SMIM13: variants seen among roughly 807,000 people sequenced by gnomAD.
SMIM13 encodes the protein UPF0766 protein C6orf228.
SMIM13 carries 3 observed loss-of-function variants against 5.9 expected under a neutral mutation model. That is an observed-to-expected ratio of 0.51 (90% CI 0.23 to 1.31). The LOEUF (loss-of-function observed/expected upper bound fraction) is 1.31, where lower values mean the gene tolerates loss of function less well. Ranked by LOEUF, SMIM13 falls within the 40% of genes most tolerant of loss-of-function variation. The pLI is 0.18. For missense variants in SMIM13, 85 were observed against 109.9 expected, an observed-to-expected ratio of 0.77 and a Z score of 1.01; for synonymous variants, 55 against 46.0, an observed-to-expected ratio of 1.19 and a Z score of -0.79.
At chr6:11,116,010 T>C (rs1322206642) in intron 1 of SMIM13, among the ~76,000 whole-genome samples, 5 of 16,756 alleles carry the variant, frequency 3.0e-4, no homozygotes, top group South Asian at 2.6e-3. Context: ...TCCTTCCTCT[T>C]TTTTTTTTTT....
At position 11,134,763 on chromosome 6, in the gene SMIM13, C is replaced by T. The variant is rs1457041634; in HGVS notation, c.*161C>T. 2.3e-5 allele frequency: 11 copies of T among 487,602 alleles called. No individual in the cohort carries two copies. The highest frequency in any genetic ancestry group is 3.5e-5 in the Non-Finnish European group (10 of 285,748). The allele number at this position is 487,602 out of a possible 1,614,324, so 30.2% of individuals were successfully genotyped here. On this transcript the variant is annotated 3_prime_UTR_variant, in exon 2 of 2. Coordinates refer to ENST00000416247, the MANE Select transcript of SMIM13 (RefSeq NM_001135575.2). ...CATATAAAAATAAAGGGAACTGAAA[C>T]CAAATTGGACTATTATAAATTTCAT... is the stretch of plus-strand genomic sequence containing the variant.
chr6:11,107,523 A>C (rs1274738215), intron 1 of SMIM13, among the ~76,000 whole-genome samples: 2 of 152,188 alleles, frequency 1.3e-5, no homozygotes, highest in Non-Finnish European at 2.9e-5. Flanking sequence ...AACCCTGTTG[A>C]AGCACTGTGC....
chr6:11,131,402 A>ATT (rs532571536), intron 1 of SMIM13, among the ~76,000 whole-genome samples: 5 of 142,682 alleles, frequency 3.5e-5, no homozygotes, highest in Non-Finnish European at 4.6e-5. Context: ...TCTTGATGCC[A>ATT]TTTTTTTTTT....
At chr6:11,111,311 T>A (rs1433739062) in intron 1 of SMIM13, among the ~76,000 whole-genome samples, 1 of 152,102 alleles carries the variant, frequency 6.6e-6, no homozygotes, top group Non-Finnish European at 1.5e-5. Flanking sequence ...TTGGAATACA[T>A]ACAGAGAAAG....
chr6:11,096,163 G>C (rs1757919518), intron 1 of SMIM13, among the ~76,000 whole-genome samples: 2 of 152,214 alleles, frequency 1.3e-5, no homozygotes, highest in South Asian at 4.1e-4. Flanking sequence ...CCAGGGACTT[G>C]TTTTGTGGAG....
At chr6:11,097,119 T>G (rs1000776037) in intron 1 of SMIM13, among the ~76,000 whole-genome samples, 7 of 152,140 alleles carry the variant, frequency 4.6e-5, no homozygotes, top group Non-Finnish European at 8.8e-5. Context: ...ATTACAGGCA[T>G]GAGCCACCCA....
chr6:11,106,388 G>A (rs1053573747), intron 1 of SMIM13, among the ~76,000 whole-genome samples: 2 of 152,228 alleles, frequency 1.3e-5, no homozygotes, highest in African/African-American at 2.4e-5. Flanking sequence ...TTCCCCGTCT[G>A]GGGATTATTT....
At chr6:11,134,375 T>C (rs1177701414) in intron 1 of SMIM13, 28 bp from the exon 2 acceptor site, 5 of 1,517,748 alleles carry the variant, frequency 3.3e-6, no homozygotes, top group East Asian at 2.5e-5. Context: ...GTAATAACTT[T>C]TCTTAATGTT....
At chr6:11,115,661 T>A (rs1432493225) in intron 1 of SMIM13, among the ~76,000 whole-genome samples, 1 of 151,148 alleles carries the variant, frequency 6.6e-6, no homozygotes, top group East Asian at 1.9e-4. Flanking sequence ...CTTTGCCATG[T>A]TCTTTCTTTC....
intron 1 of SMIM13, among the ~76,000 whole-genome samples, chr6:11,100,651 T>A (rs557352643): frequency 1.8e-3 from 277 of 152,052 alleles, no homozygotes; most frequent in East Asian, 4.4e-3. Context: ...GCATGAAAAA[T>A]TTTTTTTTGA....
At chr6:11,105,399 A>G in intron 1 of SMIM13, 1 of 963,442 alleles carries the variant, frequency 1.0e-6, no homozygotes, top group Non-Finnish European at 1.5e-6. Context: ...GATAACAATC[A>G]GAGCAATTGC....
chr6:11,105,047 A>T (rs1189696874), intron 1 of SMIM13: 2 of 1,614,198 alleles, frequency 1.2e-6, no homozygotes. Flanking sequence ...GACTATTTGC[A>T]GGCCTCATCA....
chr6:11,101,702 T>C (rs1352034539), intron 1 of SMIM13, among the ~76,000 whole-genome samples: 1 of 152,158 alleles, frequency 6.6e-6, no homozygotes, highest in Non-Finnish European at 1.5e-5. Context: ...GACAGCTGTT[T>C]TACTGTAATT....
At chr6:11,116,982 CTTTTTTTTTT>C (rs68092921) in intron 1 of SMIM13, among the ~76,000 whole-genome samples, 5 of 46,446 alleles carry the variant, frequency 1.1e-4, no homozygotes, top group South Asian at 9.4e-4. Flanking sequence ...ATAATTGTTT[CTTTTTTTTTT>C]TTTTTTTTTT....
intron 1 of SMIM13, among the ~76,000 whole-genome samples, chr6:11,125,182 T>G (rs149041579): frequency 0.029 from 4,266 of 145,154 alleles, 75 homozygotes; most frequent in South Asian, 0.076. Context: ...GGAGGCTGAG[T>G]CAGGAGAATC....
chr6:11,133,114 A>T (rs1248584084), intron 1 of SMIM13, among the ~76,000 whole-genome samples: 1 of 152,126 alleles, frequency 6.6e-6, no homozygotes, highest in Non-Finnish European at 1.5e-5. Flanking sequence ...GGAACTCCTG[A>T]CTTCTTCCTT....
At chr6:11,101,486 A>G (rs1406017737) in intron 1 of SMIM13, among the ~76,000 whole-genome samples, 1 of 152,180 alleles carries the variant, frequency 6.6e-6, no homozygotes, top group Non-Finnish European at 1.5e-5. Context: ...AAGAGGTTCT[A>G]TGGTAGGGCT....
chr6:11,097,862 T>C (rs2113636414), intron 1 of SMIM13, among the ~76,000 whole-genome samples: 1 of 152,274 alleles, frequency 6.6e-6, no homozygotes, highest in East Asian at 1.9e-4. Context: ...ACAAGCCCTT[T>C]TGAGAGTCTG....
rs770330724 is a variant in SMIM13 at position 11,134,571 on chromosome 6, C to T, written c.245C>T (p.Pro82Leu). 22 of 1,548,836 alleles carry T rather than the reference C, an allele frequency of 1.4e-5. 1 individual carries two copies. In the South Asian group the frequency reaches 2.6e-4, roughly 18 times the overall value. The part of the protein sequence containing the change: ...RIRSARQRRA[P>L]ADEGHRPLT ...AGATCCGCTCGCCAAAGGAGGGCACCTGCTGATGAAGGCCACAGACCCCTG... is the reference window on the plus strand; with the variant it reads ...AGATCCGCTCGCCAAAGGAGGGCACTTGCTGATGAAGGCCACAGACCCCTG... Residue 82 changes from proline to leucine, a missense_variant, in exon 2 of 2, where the codon CCT (proline) becomes CTT (leucine). Coordinates refer to ENST00000416247, the MANE Select transcript of SMIM13 (RefSeq NM_001135575.2).
Sources: gnomAD v4.1 joint callset for allele counts (sites outside exome capture counted in the v4.1 genomes callset) on GRCh38, gnomAD v4.1.1 for gene constraint, MANE v1.5 for transcripts, NCBI Gene and HGNC (gene_info 2026-07-23, HGNC 2026-07-21) for gene names.